Variants in MAML2 observed in about 807,000 individuals in gnomAD.
MAML2 encodes the protein mastermind-like protein 2.
A neutral mutation model predicts 96.1 loss-of-function variants in MAML2; 22 were observed. The observed-to-expected ratio is 0.23, with a 90% CI of 0.16 to 0.33. The LOEUF (loss-of-function observed/expected upper bound fraction) is 0.33, where lower values mean the gene tolerates loss of function less well. MAML2 is among the 10% of genes least tolerant of loss of function. MAML2 has a pLI of 1.00. For missense variants in MAML2, 1,367 were observed against 1,392.4 expected (o/e 0.98, Z 0.29); for synonymous variants, 561 against 521.3 (o/e 1.08, Z -1.04).
At position 95,995,781 on chromosome 11, in the gene MAML2, C is replaced by T. The variant is rs138577865; in HGVS notation, c.2140-4058G>A. Among the ~76,000 whole-genome samples, 829 of 152,110 alleles carry T rather than the reference C, an allele frequency of 5.4e-3. 8 individuals are homozygous for T. The highest frequency in any genetic ancestry group is 9.3e-3 in the Admixed American group (142 of 15,258). ...TCTACTATTCCTTACTTTATTATACCCACCCATTTTCCTCACTTCTATCAT... is the reference window on the plus strand; with the variant it reads ...TCTACTATTCCTTACTTTATTATACTCACCCATTTTCCTCACTTCTATCAT... On this transcript the variant is annotated intron_variant, in intron 2 of 4. Transcript: ENST00000524717.
chr11:96,274,713 C>T (rs1431740601), intron 1 of MAML2, among the ~76,000 whole-genome samples: 1 of 152,114 alleles, frequency 6.6e-6, no homozygotes, highest in Non-Finnish European at 1.5e-5. Context: ...ACAGATGCTG[C>T]TCATGAGCTA....
Position 96,092,941 on chromosome 11 carries a change from T to C in MAML2, c.1090A>G (p.Ile364Val). The change falls in exon 2 of 5, where the codon ATC becomes GTC. Residue 364 changes from isoleucine to valine, a missense_variant. Coordinates refer to ENST00000524717, the MANE Select transcript of MAML2 (RefSeq NM_032427.4). This position sits in a 1 kb window ranked among gnomAD's most constrained non-coding sequence, Gnocchi z 4.1. ...RPSLPMEKIV[I>V]KSEYSPGLTQ... ...AAGCCCGGTGAGTATTCACTTTTGA[T>C]CACTATTTTCTCCATGGGTAAGGAG... 6.2e-7 allele frequency: 1 copy of C among 1,611,686 alleles called. No homozygotes were observed. The highest frequency in any genetic ancestry group is 8.5e-7 in the Non-Finnish European group (1 of 1,178,648).
At chr11:96,196,215 CAAT>C (rs942103600) in intron 1 of MAML2, among the ~76,000 whole-genome samples, 1 of 152,102 alleles carries the variant, frequency 6.6e-6, no homozygotes, top group African/African-American at 2.4e-5. Context: ...ATGGAGGATA[CAAT>C]GAGATCATTG....
At chr11:96,222,373 C>T (rs1862152658) in intron 1 of MAML2, among the ~76,000 whole-genome samples, 1 of 152,194 alleles carries the variant, frequency 6.6e-6, no homozygotes, top group South Asian at 2.1e-4. Context: ...CATCCAGACT[C>T]TAGTGCAGAC....
intron 3 of MAML2, among the ~76,000 whole-genome samples, chr11:95,989,273 T>C (rs888995230): frequency 1.4e-4 from 21 of 152,176 alleles, no homozygotes; most frequent in Admixed American, 5.9e-4. Flanking sequence ...CTGGATATGC[T>C]AAAAAGCACA....
intron 1 of MAML2, among the ~76,000 whole-genome samples, chr11:96,198,269 G>A (rs984817935): frequency 1.3e-5 from 2 of 152,188 alleles, no homozygotes; most frequent in East Asian, 3.9e-4. Context: ...CCTCAGGACT[G>A]CTGTGAGAAA....
At chr11:96,026,793 T>G (rs1262051883) in intron 2 of MAML2, among the ~76,000 whole-genome samples, 2 of 144,764 alleles carry the variant, frequency 1.4e-5, no homozygotes, top group African/African-American at 5.2e-5. Flanking sequence ...TGAGAAGGAC[T>G]AAGATGGTCC....
intron 1 of MAML2, among the ~76,000 whole-genome samples, chr11:96,160,427 ATT>A (rs10578511): frequency 0.43 from 59,444 of 137,888 alleles, 12,153 homozygotes; most frequent in Non-Finnish European, 0.48. Context: ...CAGTTTTCCA[ATT>A]TTTTTTTTTT....
intron 1 of MAML2, among the ~76,000 whole-genome samples, chr11:96,108,360 G>A (rs929338573): frequency 2.0e-5 from 3 of 152,050 alleles, no homozygotes; most frequent in South Asian, 4.2e-4. Context: ...TGTAGTCTTC[G>A]GGGTCTCCCA....
intron 1 of MAML2, 129 bp from the exon 2 acceptor site, chr11:96,093,646 G>A: frequency 1.4e-6 from 1 of 693,008 alleles, no homozygotes; most frequent in South Asian, 2.0e-5. Context: ...TAAAAAAATG[G>A]CACAGAGAGA....
intron 1 of MAML2, among the ~76,000 whole-genome samples, chr11:96,321,104 T>C (rs1863694111): frequency 6.6e-6 from 1 of 152,226 alleles, no homozygotes; most frequent in African/African-American, 2.4e-5. Flanking sequence ...TTCCACAGCA[T>C]ATGGCTGCCC....
intron 1 of MAML2, among the ~76,000 whole-genome samples, chr11:96,206,382 A>T (rs1196998234): frequency 1.3e-5 from 2 of 152,162 alleles, no homozygotes; most frequent in African/African-American, 4.8e-5. Context: ...CAGATCACGA[A>T]GTCAGGAGTT....
intron 1 of MAML2, among the ~76,000 whole-genome samples, chr11:96,325,887 C>T (rs544616308): frequency 6.6e-6 from 1 of 152,282 alleles, no homozygotes; most frequent in South Asian, 2.1e-4. Flanking sequence ...CTTGGAGCAG[C>T]CACGGGCACA....
intron 2 of MAML2, among the ~76,000 whole-genome samples, chr11:96,076,090 A>G (rs1225198743): frequency 6.6e-6 from 1 of 152,216 alleles, no homozygotes; most frequent in East Asian, 1.9e-4. Context: ...TTAATTTAAA[A>G]TATTACAACA....
At chr11:96,245,858 C>T (rs1232080423) in intron 1 of MAML2, among the ~76,000 whole-genome samples, 2 of 152,134 alleles carry the variant, frequency 1.3e-5, no homozygotes, top group East Asian at 3.9e-4. Context: ...GTGTGCGCCA[C>T]CACATCTGGC....
chr11:96,215,196 T>C (rs77360507), intron 1 of MAML2, among the ~76,000 whole-genome samples: 15,436 of 152,184 alleles, frequency 0.1, 899 homozygotes, highest in African/African-American at 0.15. Context: ...GAGGGTGGGC[T>C]GGGGAATGGG....
intron 1 of MAML2, among the ~76,000 whole-genome samples, chr11:96,304,856 G>A (rs1369620290): frequency 6.6e-6 from 1 of 152,198 alleles, no homozygotes; most frequent in Non-Finnish European, 1.5e-5. Flanking sequence ...ATGTGTTTAT[G>A]CTATGTTATG....
chr11:96,261,197 G>C (rs1862744527), intron 1 of MAML2, among the ~76,000 whole-genome samples: 1 of 151,896 alleles, frequency 6.6e-6, no homozygotes, highest in South Asian at 2.1e-4. Flanking sequence ...AGGGGAACTG[G>C]AGACTTTATA....
intron 1 of MAML2, among the ~76,000 whole-genome samples, chr11:96,260,900 G>A (rs1163987157): frequency 6.6e-6 from 1 of 151,962 alleles, no homozygotes; most frequent in Non-Finnish European, 1.5e-5. Context: ...GTTTTTTGGG[G>A]GACAGCGTAG....
Sources: allele counts gnomAD v4.1 joint callset (sites outside exome capture counted in the v4.1 genomes callset), GRCh38; gene constraint gnomAD v4.1.1; non-coding constraint Gnocchi (gnomAD v3.1); transcripts MANE v1.5; gene names NCBI Gene and HGNC (gene_info 2026-07-23, HGNC 2026-07-21).